PTPRA: variants seen among roughly 807,000 people sequenced by gnomAD.
The protein encoded by PTPRA is receptor-type tyrosine-protein phosphatase alpha.
PTPRA carries 25 observed loss-of-function variants against 104.8 expected under a neutral mutation model. The ratio of observed to expected loss-of-function variants is 0.24; its 90% CI spans 0.17 to 0.33. PTPRA has a LOEUF of 0.33. Ranked by LOEUF, PTPRA falls within the 10% of genes least tolerant of loss-of-function variation. The probability of loss-of-function intolerance (pLI) is 1.00; values close to 1 mark genes in which losing one functional copy is unlikely to be tolerated. For missense variants in PTPRA, 765 were observed against 1,015.3 expected, an observed-to-expected ratio of 0.75 and a Z score of 3.35; for synonymous variants, 323 against 368.9, an observed-to-expected ratio of 0.88 and a Z score of 1.43.
chr20:2,909,729 ATATAAAT>A (rs1419064789), intron 1 of PTPRA, among the ~76,000 whole-genome samples: 2 of 143,224 alleles, frequency 1.4e-5, no homozygotes, highest in Non-Finnish European at 3.0e-5. Flanking sequence ...TTTCACTTAT[ATATAAAT>A]TATATATTAT....
chr20:2,866,537 A>G, the PTPRA span: 3 of 1,614,208 alleles, frequency 1.9e-6, no homozygotes, highest in East Asian at 2.2e-5. Context: ...ACAGCTGACA[A>G]GATTCAACGG....
At position 3,038,116 on chromosome 20, in the gene PTPRA, T is replaced by G; in HGVS notation, c.2392T>G (p.Tyr798Asp). 1 of 1,612,048 alleles carries G rather than the reference T, an allele frequency of 6.2e-7. No homozygotes were observed. The highest frequency in any genetic ancestry group is 8.5e-7 in the Non-Finnish European group (1 of 1,178,076). ...GGAGTATATTGATGCATTCTCAGAT[T>G]ATGCCAACTTCAAGTAAGCGGCAAC... Reference protein sequence around the residue: ...VQEYIDAFSDYANFK With the variant: ...VQEYIDAFSDDANFK Residue 798 changes from tyrosine (Y) to aspartate (D), a missense_variant, in exon 24 of 24, where the codon TAT becomes GAT. By Grantham distance (160) the Tyr-to-Asp change is radical. This residue lies in a region of PTPRA where 72 missense variants were observed against 140.7 expected (regional missense o/e 0.51). Coordinates refer to ENST00000399903, the MANE Select transcript of PTPRA (RefSeq NM_001385305.1).
upstream of PTPRA, among the ~76,000 whole-genome samples, chr20:2,870,051 T>C (rs1004716958): frequency 7.4e-6 from 1 of 134,248 alleles, no homozygotes; most frequent in Non-Finnish European, 1.6e-5. Flanking sequence ...GTCCAGTCTC[T>C]TAGATACAAA....
chr20:2,988,306 A>G (rs761819777), intron 8 of PTPRA, 32 bp from the exon 9 acceptor site: 17 of 1,573,730 alleles, frequency 1.1e-5, no homozygotes, highest in South Asian at 7.1e-5. Context: ...TTCTCAGGGT[A>G]CCTGACTGAC....
At chr20:3,032,764 C>CA (rs937740792) in intron 20 of PTPRA, among the ~76,000 whole-genome samples, 1,758 of 99,180 alleles carry the variant, frequency 0.018, 25 homozygotes, top group Middle Eastern at 0.061. Context: ...GACTCCATCT[C>CA]AAAAAAAAAA....
intron 3 of PTPRA, among the ~76,000 whole-genome samples, chr20:2,948,725 G>A (rs561673212): frequency 3.8e-4 from 58 of 152,202 alleles, no homozygotes; most frequent in Non-Finnish European, 3.7e-4. Flanking sequence ...GCCAAGGTGG[G>A]CGGATCACAA....
intron 1 of PTPRA, among the ~76,000 whole-genome samples, chr20:2,915,460 A>G (rs562171): frequency 0.68 from 102,273 of 151,264 alleles, 36,095 homozygotes; most frequent in African/African-American, 0.87. Flanking sequence ...ATTGGGGGGA[A>G]GTTGTCTTTT....
chr20:2,947,922 T>C (rs751795949), intron 2 of PTPRA, 60 bp from the exon 3 acceptor site: 1 of 744,430 alleles, frequency 1.3e-6, no homozygotes, highest in South Asian at 1.6e-5. Flanking sequence ...AGGAGGTTGA[T>C]GAATGCTTCA....
At chr20:2,866,192 C>T in the PTPRA span, 1 of 1,612,622 alleles carries the variant, frequency 6.2e-7, no homozygotes. Context: ...TCTCCCTCCA[C>T]CCGCTTCCTC....
rs554186655 is a variant in PTPRA, at chr20:2,950,798, A to G, written c.-7+2774A>G. Among the ~76,000 whole-genome samples the G allele has an allele frequency of 6.6e-6, 1 of 152,268 alleles. No homozygotes were observed. The highest frequency in any genetic ancestry group is 2.1e-4 in the South Asian group (1 of 4,830). On this transcript the variant is annotated intron_variant, in intron 3 of 23. Coordinates refer to ENST00000399903, the MANE Select transcript of PTPRA (RefSeq NM_001385305.1). The surrounding 1 kb of genome is among the most constrained non-coding windows in gnomAD (Gnocchi z 4.0). Reference sequence around the variant, plus strand: ...TGATTATTCCTATAATTCTTAAACAACTTTATAATTGATGTAACAATAACC... The same window carrying G: ...TGATTATTCCTATAATTCTTAAACAGCTTTATAATTGATGTAACAATAACC...
chr20:2,874,392 T>TA (rs11481079), intron 1 of PTPRA, among the ~76,000 whole-genome samples: 13,454 of 147,498 alleles, frequency 0.091, 730 homozygotes, highest in Admixed American at 0.16. Flanking sequence ...TCCTGAAGAT[T>TA]AAAAAAAAAA....
At chr20:3,005,754 A>G (rs2063836613) in intron 10 of PTPRA, among the ~76,000 whole-genome samples, 2 of 152,122 alleles carry the variant, frequency 1.3e-5, no homozygotes, top group Admixed American at 1.3e-4. Context: ...GGCAGGAAGC[A>G]GGGGGTAATG....
At chr20:2,949,720 G>GT (rs11477018) in intron 3 of PTPRA, among the ~76,000 whole-genome samples, 5,264 of 145,538 alleles carry the variant, frequency 0.036, 142 homozygotes, top group African/African-American at 0.073. Context: ...ATTGCGTATT[G>GT]TTTTTTTTTT....
At chr20:3,011,821 C>T (rs571120106) in intron 11 of PTPRA, among the ~76,000 whole-genome samples, 1 of 152,216 alleles carries the variant, frequency 6.6e-6, no homozygotes, top group African/African-American at 2.4e-5. Flanking sequence ...GTGAGCCAAG[C>T]TCAGATGCTG....
rs2059586374 is a variant in PTPRA at position 2,909,961 on chromosome 20, A to G, written c.-128-13246A>G. Among the ~76,000 whole-genome samples, 3 of 123,752 alleles carry G rather than the reference A, an allele frequency of 2.4e-5. No individual in the cohort carries two copies. In the South Asian group the frequency reaches 6.7e-4, roughly 28 times the overall value. 81.2% of individuals were successfully genotyped at this position (123,752 alleles called of 152,430 possible). On this transcript the variant is annotated intron_variant, in intron 1 of 23. Transcript: ENST00000399903. ...TATGTGTAATTATATATTATAATAT[A>G]TGATATATATATAATCTATCATATA...
chr20:2,964,708 TA>T (rs1034508686), intron 4 of PTPRA, among the ~76,000 whole-genome samples, 152 bp from the exon 5 acceptor site: 6 of 152,078 alleles, frequency 3.9e-5, no homozygotes, highest in African/African-American at 1.2e-4. Context: ...CAGCATGAGA[TA>T]AAAACGTAGG....
intron 3 of PTPRA, among the ~76,000 whole-genome samples, chr20:2,961,941 TC>T (rs2061770497): frequency 6.6e-6 from 1 of 152,238 alleles, no homozygotes. Flanking sequence ...TGATCTCTGT[TC>T]CGTTCCATTG....
At chr20:3,014,921 A>G (rs1311447837) in intron 11 of PTPRA, among the ~76,000 whole-genome samples, 1 of 152,200 alleles carries the variant, frequency 6.6e-6, no homozygotes, top group Non-Finnish European at 1.5e-5. Context: ...AGCAATAAAG[A>G]CTGAAAAAGA....
chr20:2,943,468 G>GC (rs1568663257), intron 2 of PTPRA, among the ~76,000 whole-genome samples: 1 of 152,000 alleles, frequency 6.6e-6, no homozygotes, highest in East Asian at 1.9e-4. Context: ...TATGGATGAA[G>GC]CCCACCTACA....
Sources: gnomAD v4.1 joint callset for allele counts (sites outside exome capture counted in the v4.1 genomes callset) on GRCh38, gnomAD v4.1.1 for gene constraint, gnomAD v4.1.1 regional missense constraint, Gnocchi (gnomAD v3.1) non-coding constraint, MANE v1.5 for transcripts, NCBI Gene and HGNC (gene_info 2026-07-23, HGNC 2026-07-21) for gene names.